The following CDH13 variants were observed in gnomAD, a reference collection of about 807,000 sequenced individuals.
The protein encoded by CDH13 is cadherin-13.
A neutral mutation model predicts 63.8 loss-of-function variants in CDH13; 24 were observed. That is an observed-to-expected ratio of 0.38 (90% CI 0.27 to 0.53). CDH13 has a LOEUF of 0.53. Ranked by LOEUF, CDH13 falls within the 20% of genes least tolerant of loss-of-function variation. The pLI, the probability that CDH13 is intolerant of heterozygous loss-of-function variation, is 0.85. For missense variants in CDH13, 1,049 were observed against 903.1 expected, an observed-to-expected ratio of 1.16 and a Z score of -2.07; for synonymous variants, 503 against 355.3, an observed-to-expected ratio of 1.42 and a Z score of -4.67.
chr16:83,119,323 C>T (rs189927947), intron 3 of CDH13, among the ~76,000 whole-genome samples: 1 of 152,180 alleles, frequency 6.6e-6, no homozygotes, highest in African/African-American at 2.4e-5. Flanking sequence ...TGCAGCTACT[C>T]TTGTATATGA....
chr16:82,786,355 A>G (rs572049705), intron 1 of CDH13, among the ~76,000 whole-genome samples: 3 of 152,250 alleles, frequency 2.0e-5, no homozygotes, highest in South Asian at 4.2e-4. Flanking sequence ...CCCAATGAAA[A>G]CGTGTAAAAT....
intron 7 of CDH13, among the ~76,000 whole-genome samples, chr16:83,509,878 C>G (rs891640057): frequency 6.6e-6 from 1 of 152,166 alleles, no homozygotes; most frequent in South Asian, 2.1e-4. Flanking sequence ...GTAAATTAAG[C>G]TCAGAGAGGG....
chr16:83,426,509 T>TCACA (rs10545707), intron 6 of CDH13, among the ~76,000 whole-genome samples: 4,774 of 146,516 alleles, frequency 0.033, 83 homozygotes, highest in Middle Eastern at 0.062. Context: ...ATGGAAACAA[T>TCACA]CACACACACA....
intron 3 of CDH13, among the ~76,000 whole-genome samples, chr16:83,070,150 G>A (rs1271145157): frequency 1.1e-4 from 17 of 152,026 alleles, no homozygotes; most frequent in Admixed American, 1.1e-3. Context: ...TTCTGCTCTT[G>A]CAGCAACAAA....
intron 2 of CDH13, among the ~76,000 whole-genome samples, chr16:82,935,317 C>T (rs1269008721): frequency 6.6e-6 from 1 of 152,158 alleles, no homozygotes; most frequent in Non-Finnish European, 1.5e-5. Context: ...GCTCCCATGA[C>T]CTAATCACCT....
At chr16:83,026,435 G>T (rs751331849) in intron 2 of CDH13, among the ~76,000 whole-genome samples, 18 of 152,154 alleles carry the variant, frequency 1.2e-4, no homozygotes, top group African/African-American at 3.4e-4. Context: ...TATATTTATA[G>T]ACTGTGCATT....
intron 4 of CDH13, among the ~76,000 whole-genome samples, chr16:83,174,206 T>C (rs891460129): frequency 2.6e-5 from 4 of 152,040 alleles, no homozygotes; most frequent in African/African-American, 9.7e-5. Flanking sequence ...CAGTTCGGGG[T>C]CTGTCAAATC....
intron 10 of CDH13, among the ~76,000 whole-genome samples, chr16:83,705,607 G>A (rs534024145): frequency 4.6e-5 from 7 of 152,214 alleles, no homozygotes; most frequent in Non-Finnish European, 8.8e-5. Context: ...GGGGGCCAGA[G>A]GGAGACTCCG....
At chr16:83,431,746 A>T (rs1398832108) in intron 6 of CDH13, among the ~76,000 whole-genome samples, 2 of 152,256 alleles carry the variant, frequency 1.3e-5, no homozygotes, top group South Asian at 2.1e-4. Flanking sequence ...ACTCACTCTC[A>T]TGAGGATAGC....
intron 8 of CDH13, among the ~76,000 whole-genome samples, chr16:83,665,225 A>G (rs965499037): frequency 6.6e-6 from 1 of 152,200 alleles, no homozygotes; most frequent in East Asian, 1.9e-4. Flanking sequence ...ACATATATAC[A>G]TAACTACATT....
chr16:82,698,266 G>A (rs1181257546), intron 1 of CDH13, among the ~76,000 whole-genome samples: 3 of 152,216 alleles, frequency 2.0e-5, no homozygotes, highest in Non-Finnish European at 4.4e-5. Flanking sequence ...TCAAGCATAT[G>A]TTTGCCTTCA....
At chr16:83,690,461 G>A (rs1212064569) in intron 10 of CDH13, among the ~76,000 whole-genome samples, 2 of 152,164 alleles carry the variant, frequency 1.3e-5, no homozygotes, top group African/African-American at 2.4e-5. Context: ...AAGGCCCCGA[G>A]GCAGAGTGTG....
intron 1 of CDH13, among the ~76,000 whole-genome samples, chr16:82,693,549 C>T (rs1046736650): frequency 6.6e-6 from 1 of 152,146 alleles, no homozygotes; most frequent in African/African-American, 2.4e-5. Context: ...GCATAAAGGA[C>T]CCCCATTTTC....
At chr16:83,289,912 C>T (rs763075069) in intron 5 of CDH13, among the ~76,000 whole-genome samples, 42 of 152,106 alleles carry the variant, frequency 2.8e-4, no homozygotes, top group Non-Finnish European at 5.0e-4. Flanking sequence ...CCAAGTGATC[C>T]CACCTCTATA....
chr16:83,544,069 T>C (rs565901187), intron 7 of CDH13, among the ~76,000 whole-genome samples: 3 of 152,206 alleles, frequency 2.0e-5, no homozygotes, highest in African/African-American at 7.2e-5. Context: ...CACCCAGTGG[T>C]TACTAGGTGG....
chr16:82,730,516 C>T (rs999816399), intron 1 of CDH13, among the ~76,000 whole-genome samples: 2 of 152,146 alleles, frequency 1.3e-5, no homozygotes, highest in African/African-American at 4.8e-5. Flanking sequence ...TTTGTGGCAT[C>T]CCAAAACAGT....
chr16:82,693,750 C>T (rs1000905354), intron 1 of CDH13, among the ~76,000 whole-genome samples: 1 of 152,182 alleles, frequency 6.6e-6, no homozygotes, highest in Non-Finnish European at 1.5e-5. Context: ...CCACTTGAGG[C>T]ATATTTCATG....
intron 7 of CDH13, among the ~76,000 whole-genome samples, chr16:83,513,402 A>G (rs1000583662): frequency 6.6e-6 from 1 of 152,238 alleles, no homozygotes; most frequent in East Asian, 1.9e-4. Context: ...ACTTCTCCAA[A>G]AAGTGCAAAC....
At chr16:83,316,209 C>T (rs1597729238) in intron 5 of CDH13, among the ~76,000 whole-genome samples, 1 of 152,168 alleles carries the variant, frequency 6.6e-6, no homozygotes, top group Admixed American at 6.5e-5. Context: ...GATCACCTCC[C>T]ACGAGGTCCC....
Sources: allele counts gnomAD v4.1 joint callset (sites outside exome capture counted in the v4.1 genomes callset), GRCh38; gene constraint gnomAD v4.1.1; transcripts MANE v1.5; gene names NCBI Gene and HGNC (gene_info 2026-07-23, HGNC 2026-07-21).